PCDH15: variants seen among roughly 807,000 people sequenced by gnomAD.
PCDH15 encodes protocadherin-15.
PCDH15 carries 129 observed loss-of-function variants against 178.5 expected under a neutral mutation model. The observed-to-expected ratio is 0.72, with a 90% CI of 0.63 to 0.84. The LOEUF (loss-of-function observed/expected upper bound fraction) is 0.84, where lower values mean the gene tolerates loss of function less well. Ranked by LOEUF, PCDH15 falls within the 40% of genes least tolerant of loss-of-function variation. The pLI is 0.00. For synonymous variants in PCDH15, 800 were observed against 732.0 expected (o/e 1.09, Z -1.50); for missense variants, 2,230 against 2,099.9 (o/e 1.06, Z -1.21).
intron 21 of PCDH15, among the ~76,000 whole-genome samples, chr10:53,975,897 T>C (rs1002432164): frequency 1.3e-5 from 2 of 152,188 alleles, no homozygotes; most frequent in Admixed American, 1.3e-4. Flanking sequence ...ATTTTTATAG[T>C]TTTATGTCTT....
intron 2 of PCDH15, among the ~76,000 whole-genome samples, chr10:55,608,268 G>T (rs996889580): frequency 6.6e-6 from 1 of 150,988 alleles, no homozygotes; most frequent in Non-Finnish European, 1.5e-5. Context: ...GGAAGAGACA[G>T]GGAAGAGATA....
At chr10:54,058,174 C>G (rs868003119) in intron 18 of PCDH15, among the ~76,000 whole-genome samples, 2 of 152,190 alleles carry the variant, frequency 1.3e-5, no homozygotes, top group African/African-American at 4.8e-5. Context: ...CAACCCAGGC[C>G]TGTTACCCAG....
intron 16 of PCDH15, among the ~76,000 whole-genome samples, chr10:54,089,401 A>G (rs72797020): frequency 0.19 from 29,499 of 152,158 alleles, 3,218 homozygotes; most frequent in Non-Finnish European, 0.26. Flanking sequence ...AAAGGGAAGC[A>G]TACAGTCTCT....
chr10:54,801,343 C>T (rs1952638467), upstream of PCDH15: 1 of 152,222 alleles, frequency 6.6e-6, no homozygotes, highest in African/African-American at 2.4e-5. Context: ...TCTCGCAGCA[C>T]ATACAGGAGA....
chr10:55,210,846 T>C (rs1840551529), intron 1 of PCDH15, among the ~76,000 whole-genome samples: 1 of 151,694 alleles, frequency 6.6e-6, no homozygotes, highest in Non-Finnish European at 1.5e-5. Context: ...CCGGATGGTC[T>C]TGATCTCTTT....
At chr10:55,064,894 G>A (rs1030051100) in intron 2 of PCDH15, among the ~76,000 whole-genome samples, 2 of 151,980 alleles carry the variant, frequency 1.3e-5, no homozygotes, top group African/African-American at 4.8e-5. Flanking sequence ...TTATTTTTGG[G>A]TGACTTTTTA....
At chr10:55,332,639 A>G (rs142682561) in intron 2 of PCDH15, among the ~76,000 whole-genome samples, 1,787 of 152,196 alleles carry the variant, frequency 0.012, 25 homozygotes, top group Middle Eastern at 0.031. Context: ...CACAATTCCT[A>G]TGTGTTGTGA....
At chr10:55,148,170 T>C (rs1838585447) in intron 2 of PCDH15, among the ~76,000 whole-genome samples, 7 of 151,912 alleles carry the variant, frequency 4.6e-5, no homozygotes, top group Admixed American at 3.3e-4. Context: ...TAATATCCCC[T>C]GTTTCTTGTA....
rs182495663 is a variant in PCDH15, at chr10:54,433,687, A to G, written c.158-54745T>C. ...TTTAATTGTAAATTTAAAAATAACT[A>G]AAAAAGTGTATTGGACTGTTTGTAA... On this transcript the variant is annotated intron_variant, in intron 3 of 37. Coordinates refer to ENST00000644397, the MANE Select transcript of PCDH15 (RefSeq NM_001384140.1). 1.1e-4 allele frequency among the ~76,000 whole-genome samples: 16 copies of G among 152,240 alleles called. No individual in the cohort carries two copies. The East Asian group carries it at 2.9e-3, about 28-fold the overall frequency.
intron 2 of PCDH15, among the ~76,000 whole-genome samples, chr10:55,526,722 TA>T (rs1373502015): frequency 6.6e-6 from 1 of 152,092 alleles, no homozygotes; most frequent in East Asian, 1.9e-4. Context: ...ACTGTGTCAT[TA>T]AAACTTGTCA....
chr10:54,527,898 A>G (rs752254167), intron 2 of PCDH15, 21 bp from the exon 3 acceptor site: 2 of 1,591,320 alleles, frequency 1.3e-6, no homozygotes, highest in South Asian at 1.1e-5. Flanking sequence ...AAAATAACCA[A>G]AAGTAATAAT....
chr10:54,505,395 T>C (rs1268520687), intron 3 of PCDH15, among the ~76,000 whole-genome samples: 1 of 152,148 alleles, frequency 6.6e-6, no homozygotes, highest in Non-Finnish European at 1.5e-5. Flanking sequence ...CTGTGTGTAA[T>C]ATGGAAATAT....
At chr10:54,228,201 A>G (rs531073388) in intron 9 of PCDH15, among the ~76,000 whole-genome samples, 56 of 152,286 alleles carry the variant, frequency 3.7e-4, no homozygotes, top group South Asian at 3.1e-3. Context: ...GCAATTTTCA[A>G]AAGAAAAAGG....
intron 2 of PCDH15, among the ~76,000 whole-genome samples, chr10:55,551,571 C>CA (rs35854718): frequency 1.3e-5 from 2 of 151,514 alleles, no homozygotes; most frequent in East Asian, 1.9e-4. Flanking sequence ...ATGTGTTTCC[C>CA]AAAAAAGTTG....
At chr10:55,054,655 C>A (rs886798249) in intron 2 of PCDH15, among the ~76,000 whole-genome samples, 3 of 151,984 alleles carry the variant, frequency 2.0e-5, no homozygotes, top group African/African-American at 7.2e-5. Flanking sequence ...ACAGTATAAG[C>A]ATTTCTTTTT....
At chr10:54,117,970 A>T (rs1055733543) in intron 15 of PCDH15, among the ~76,000 whole-genome samples, 1 of 152,196 alleles carries the variant, frequency 6.6e-6, no homozygotes, top group Admixed American at 6.5e-5. Flanking sequence ...TGATCTGCCG[A>T]ACTGACAGCT....
chr10:55,032,341 A>C (rs1186743372), intron 2 of PCDH15, among the ~76,000 whole-genome samples: 1 of 152,350 alleles, frequency 6.6e-6, no homozygotes, highest in African/African-American at 2.4e-5. Flanking sequence ...ACAAAAAAAT[A>C]TCTCTTAGTA....
chr10:54,515,365 T>C (rs1250579497), intron 3 of PCDH15, among the ~76,000 whole-genome samples: 2 of 151,888 alleles, frequency 1.3e-5, no homozygotes, highest in Admixed American at 6.6e-5. Context: ...GCCCATGGAG[T>C]CTCGCTGATT....
chr10:55,529,360 G>C (rs1218458306), intron 2 of PCDH15, among the ~76,000 whole-genome samples: 4 of 151,830 alleles, frequency 2.6e-5, no homozygotes, highest in Non-Finnish European at 5.9e-5. Context: ...TATGGGTTTA[G>C]GTCTAATATT....
Sources: allele counts gnomAD v4.1 joint callset (sites outside exome capture counted in the v4.1 genomes callset), GRCh38; gene constraint gnomAD v4.1.1; transcripts MANE v1.5; gene names NCBI Gene and HGNC (gene_info 2026-07-23, HGNC 2026-07-21).